Variants in EPM2A observed in about 807,000 individuals in gnomAD.
EPM2A encodes the protein EPM2A glucan phosphatase, laforin, also known as laforin.
In EPM2A, 21 loss-of-function variants were observed where a neutral mutation model predicts 26.5. The ratio of observed to expected loss-of-function variants is 0.79; its 90% confidence interval spans 0.56 to 1.14. EPM2A has a LOEUF of 1.14. Among genes scored for constraint, EPM2A ranks in the 50% most tolerant of loss-of-function variants. EPM2A has a pLI of 0.00. For missense variants in EPM2A, 458 were observed against 440.8 expected (o/e 1.04, Z -0.35); for synonymous variants, 217 against 177.6 (o/e 1.22, Z -1.76).
At position 145,405,462 on chromosome 6, in the gene EPM2A, T is replaced by C. The variant is rs138772835; in HGVS notation, c.556-21365A>G. On this transcript the variant is annotated intron_variant, in intron 4 of 4. Coordinates refer to the EPM2A transcript ENST00000638717. Reference sequence around the variant, plus strand: ...ATGAATGACACCCTAGAGTTAAATATAAAATTTAAAAAGGATGAAATTCAT... The same window carrying C: ...ATGAATGACACCCTAGAGTTAAATACAAAATTTAAAAAGGATGAAATTCAT... 1.2e-4 allele frequency among the ~76,000 whole-genome samples: 18 copies of C among 152,250 alleles called. No homozygotes were observed. The East Asian group carries it at 2.9e-3, about 24-fold the overall frequency.
intron 4 of EPM2A, among the ~76,000 whole-genome samples, chr6:145,420,573 C>T (rs1031695083): frequency 1.3e-5 from 2 of 152,176 alleles, no homozygotes; most frequent in Non-Finnish European, 2.9e-5. Context: ...TTGCCCTGAC[C>T]GTGAACATCC....
chr6:145,590,436 G>GA, intron 2 of EPM2A, among the ~76,000 whole-genome samples: 1 of 130,876 alleles, frequency 7.6e-6, no homozygotes, highest in South Asian at 2.9e-4. Context: ...GGCAAAAACT[G>GA]AAAAATAAAA....
At chr6:145,392,039 A>T (rs1233612180) in intron 4 of EPM2A, among the ~76,000 whole-genome samples, 2 of 152,200 alleles carry the variant, frequency 1.3e-5, no homozygotes, top group Non-Finnish European at 2.9e-5. Flanking sequence ...AGCCACCATC[A>T]GAAACCCTGG....
chr6:145,424,462 G>A (rs1778827361), intron 4 of EPM2A, among the ~76,000 whole-genome samples: 1 of 152,202 alleles, frequency 6.6e-6, no homozygotes, highest in East Asian at 1.9e-4. Flanking sequence ...AGCTTATAGA[G>A]GTGTAGAAGT....
chr6:145,689,557 C>A (rs1257980158), intron 1 of EPM2A, among the ~76,000 whole-genome samples: 4 of 152,148 alleles, frequency 2.6e-5, no homozygotes, highest in Non-Finnish European at 4.4e-5. Context: ...AAGAAGCCAG[C>A]AACCTGGTAA....
intron 1 of EPM2A, among the ~76,000 whole-genome samples, chr6:145,726,319 A>G (rs1776204055): frequency 6.6e-6 from 1 of 152,146 alleles, no homozygotes; most frequent in Non-Finnish European, 1.5e-5. Flanking sequence ...ATATATATAA[A>G]TAATTGAATA....
At chr6:145,720,742 G>C (rs934505552) in intron 1 of EPM2A, among the ~76,000 whole-genome samples, 1 of 152,168 alleles carries the variant, frequency 6.6e-6, no homozygotes, top group Non-Finnish European at 1.5e-5. Flanking sequence ...CTAACATACA[G>C]AGTTCATAAA....
chr6:145,650,076 A>G lies in EPM2A; in HGVS notation c.477-14590T>C, dbSNP rs1005106518. On this transcript the variant is annotated intron_variant, in intron 2 of 3. Coordinates refer to ENST00000367519, the MANE Select transcript of EPM2A (RefSeq NM_005670.4). ...GAGGCTCTCGATGATAAGGATAAAC[A>G]TCTGCTGGAAAGGATAAAAGATGAG... Among the ~76,000 whole-genome samples, 9 of 152,292 alleles carry G rather than the reference A, an allele frequency of 5.9e-5. No homozygotes were observed. In the East Asian group the frequency reaches 1.4e-3, roughly 23 times the overall value.
At chr6:145,628,724 G>A (rs970284520) in intron 3 of EPM2A, 12 of 152,154 alleles carry the variant, frequency 7.9e-5, no homozygotes, top group African/African-American at 1.9e-4. Flanking sequence ...TGGCTTTCAC[G>A]TTGCCATCCT....
At chr6:145,552,893 G>A (rs1780674704) in intron 2 of EPM2A, among the ~76,000 whole-genome samples, 1 of 151,966 alleles carries the variant, frequency 6.6e-6, no homozygotes. Flanking sequence ...AATCATTGGT[G>A]GAATATAGCA....
chr6:145,581,357 A>G (rs765075153), intron 2 of EPM2A, among the ~76,000 whole-genome samples: 9 of 151,754 alleles, frequency 5.9e-5, no homozygotes, highest in African/African-American at 9.7e-5. Flanking sequence ...TCTTTTGCTT[A>G]TTACTTTTTT....
chr6:145,406,474 G>A lies in EPM2A; in HGVS notation c.556-22377C>T, dbSNP rs543962093. ...TCTTAAGGCGGTAACAATTACGTGT[G>A]AAAGTGGTAGTAAGAATGATGTCTG... On this transcript the variant is annotated intron_variant, in intron 4 of 4. Coordinates refer to the EPM2A transcript ENST00000638717. Among the ~76,000 whole-genome samples the A allele has an allele frequency of 7.2e-5, 11 of 152,270 alleles. No individual in the cohort carries two copies. In the South Asian group the frequency reaches 2.3e-3, roughly 32 times the overall value.
chr6:145,562,644 G>A (rs897765222), intron 2 of EPM2A, among the ~76,000 whole-genome samples: 1 of 152,026 alleles, frequency 6.6e-6, no homozygotes, highest in Non-Finnish European at 1.5e-5. Flanking sequence ...GGTCTGGGGA[G>A]GCCACCAGTC....
chr6:145,398,923 C>T (rs1366498338), intron 4 of EPM2A, among the ~76,000 whole-genome samples: 2 of 151,262 alleles, frequency 1.3e-5, no homozygotes, highest in African/African-American at 2.4e-5. Context: ...CTTATCTGGA[C>T]TAATTTCTTT....
chr6:145,721,622 C>T (rs978840054), intron 1 of EPM2A: 1 of 152,194 alleles, frequency 6.6e-6, no homozygotes, highest in Admixed American at 6.5e-5. Context: ...TGTTTACTGG[C>T]TTTCTGCAAG....
At chr6:145,526,859 C>T (rs113787622) in intron 2 of EPM2A, among the ~76,000 whole-genome samples, 2 of 151,948 alleles carry the variant, frequency 1.3e-5, no homozygotes, top group Non-Finnish European at 2.9e-5. Flanking sequence ...TCTAGCTCCT[C>T]TAGTTGTGAT....
intron 4 of EPM2A, among the ~76,000 whole-genome samples, chr6:145,468,974 C>T (rs766125621): frequency 3.3e-5 from 5 of 151,994 alleles, no homozygotes; most frequent in Admixed American, 1.3e-4. Context: ...TTAAAATGGG[C>T]AAAAGATCTT....
intron 4 of EPM2A, among the ~76,000 whole-genome samples, chr6:145,390,732 C>A (rs1220438250): frequency 6.6e-6 from 1 of 152,094 alleles, no homozygotes; most frequent in Non-Finnish European, 1.5e-5. Context: ...TGTACATATG[C>A]ATTTTTACAT....
At chr6:145,583,307 G>A (rs1008665568) in intron 2 of EPM2A, among the ~76,000 whole-genome samples, 2 of 152,134 alleles carry the variant, frequency 1.3e-5, no homozygotes, top group South Asian at 4.1e-4. Context: ...AGTCTTCAAA[G>A]TTGATGTCCT....
Sources: gnomAD v4.1 joint callset for allele counts (sites outside exome capture counted in the v4.1 genomes callset) on GRCh38, gnomAD v4.1.1 for gene constraint, MANE v1.5 for transcripts, NCBI Gene and HGNC (gene_info 2026-07-23, HGNC 2026-07-21) for gene names.